Variants in BRINP3 observed in about 807,000 individuals in gnomAD.
BRINP3 encodes the protein BMP/retinoic acid inducible neural specific 3.
BRINP3 carries 19 observed loss-of-function variants against 71.0 expected under a neutral mutation model. The ratio of observed to expected loss-of-function variants is 0.27; its 90% confidence interval spans 0.19 to 0.39. The LOEUF is 0.39. BRINP3 is among the 10% of genes least tolerant of loss of function. BRINP3 has a pLI of 1.00. For synonymous variants in BRINP3, 380 were observed against 337.7 expected, an observed-to-expected ratio of 1.13 and a Z score of -1.37; for missense variants, 959 against 940.8, an observed-to-expected ratio of 1.02 and a Z score of -0.25.
chr1:190,227,374 T>A (rs1451769176), intron 5 of BRINP3, among the ~76,000 whole-genome samples: 1 of 151,788 alleles, frequency 6.6e-6, no homozygotes, highest in Admixed American at 6.6e-5. Flanking sequence ...GAAAAAGTAC[T>A]CTTAGAACTT....
chr1:190,374,572 A>G (rs1196226479), intron 2 of BRINP3, among the ~76,000 whole-genome samples: 1 of 152,128 alleles, frequency 6.6e-6, no homozygotes, highest in Non-Finnish European at 1.5e-5. Context: ...AAAAACTTAT[A>G]CAAACAATCA....
intron 3 of BRINP3, among the ~76,000 whole-genome samples, chr1:190,279,881 A>C (rs575781149): frequency 6.6e-6 from 1 of 152,000 alleles, no homozygotes; most frequent in Non-Finnish European, 1.5e-5. Context: ...GTTTACATAT[A>C]TCTAGTTATT....
chr1:190,176,323 T>A (rs1652505393), intron 6 of BRINP3, among the ~76,000 whole-genome samples: 1 of 152,128 alleles, frequency 6.6e-6, no homozygotes, highest in African/African-American at 2.4e-5. Flanking sequence ...ATGGCTCCCA[T>A]TGGTCTGCAA....
At chr1:190,161,446 T>A (rs1244459366) in intron 6 of BRINP3, among the ~76,000 whole-genome samples, 1 of 151,788 alleles carries the variant, frequency 6.6e-6, no homozygotes, top group Non-Finnish European at 1.5e-5. Flanking sequence ...ACCCTAATTA[T>A]AACCGATCTT....
At chr1:190,155,528 C>T (rs1022653953) in intron 7 of BRINP3, among the ~76,000 whole-genome samples, 1 of 152,068 alleles carries the variant, frequency 6.6e-6, no homozygotes, top group South Asian at 2.1e-4. Context: ...ATCCTTGCTG[C>T]TCTGTGAATG....
intron 2 of BRINP3, among the ~76,000 whole-genome samples, chr1:190,317,280 T>G (rs1463478536): frequency 6.6e-6 from 1 of 151,788 alleles, no homozygotes; most frequent in Non-Finnish European, 1.5e-5. Context: ...ATGGGGCACG[T>G]AATTGCTGCT....
chr1:190,150,261 T>C (rs1656269191), intron 7 of BRINP3, among the ~76,000 whole-genome samples: 1 of 115,294 alleles, frequency 8.7e-6, no homozygotes, highest in Non-Finnish European at 1.7e-5. Flanking sequence ...TATATGTGCA[T>C]ATCTATGTGT....
intron 6 of BRINP3, among the ~76,000 whole-genome samples, chr1:190,167,152 C>T (rs538880537): frequency 6.6e-6 from 1 of 151,840 alleles, no homozygotes; most frequent in Non-Finnish European, 1.5e-5. Flanking sequence ...ATCCAAAATC[C>T]CTGAATTTAT....
chr1:190,222,209 C>T (rs1425954532), intron 6 of BRINP3, among the ~76,000 whole-genome samples: 1 of 151,836 alleles, frequency 6.6e-6, no homozygotes, highest in African/African-American at 2.4e-5. Context: ...AAAATCTTAT[C>T]AAGTAACTTT....
At chr1:190,425,034 T>A (rs538010435) in intron 2 of BRINP3, among the ~76,000 whole-genome samples, 1 of 151,528 alleles carries the variant, frequency 6.6e-6, no homozygotes, top group African/African-American at 2.4e-5. Flanking sequence ...AAAAATCAGA[T>A]TGAATGCAAA....
chr1:190,415,707 A>T (rs1281262470), intron 2 of BRINP3, among the ~76,000 whole-genome samples: 3 of 152,068 alleles, frequency 2.0e-5, no homozygotes, highest in East Asian at 1.9e-4. Context: ...TTGAGACCAG[A>T]CTGAGCAATA....
At chr1:190,359,480 G>GC (rs967957586) in intron 2 of BRINP3, among the ~76,000 whole-genome samples, 1 of 151,992 alleles carries the variant, frequency 6.6e-6, no homozygotes, top group African/African-American at 2.4e-5. Context: ...TTTGAGCCTC[G>GC]CAGGGTACGA....
intron 2 of BRINP3, among the ~76,000 whole-genome samples, chr1:190,378,977 T>C (rs1299912439): frequency 6.6e-6 from 1 of 152,206 alleles, no homozygotes; most frequent in Admixed American, 6.6e-5. Context: ...ATTTTATACC[T>C]GACCCAGAAA....
intron 2 of BRINP3, among the ~76,000 whole-genome samples, chr1:190,393,174 A>T (rs1231693905): frequency 6.6e-6 from 1 of 151,726 alleles, no homozygotes; most frequent in East Asian, 1.9e-4. Flanking sequence ...CATAACATAT[A>T]TTAAGCACAC....
At chr1:190,209,835 C>A (rs1264362461) in intron 6 of BRINP3, among the ~76,000 whole-genome samples, 2 of 152,016 alleles carry the variant, frequency 1.3e-5, no homozygotes, top group African/African-American at 4.8e-5. Context: ...ATTGGCAAAG[C>A]AGTTTATATA....
At chr1:190,105,297 A>G (rs931131331) in intron 7 of BRINP3, among the ~76,000 whole-genome samples, 2 of 152,084 alleles carry the variant, frequency 1.3e-5, no homozygotes, top group Admixed American at 6.6e-5. Flanking sequence ...ACACACACAC[A>G]CATACACACA....
At position 190,277,113 on chromosome 1, in the gene BRINP3, A is replaced by ATATATATATATATATATATATTTATT. The variant is rs746851050; in HGVS notation, c.427+4446_427+4447insAATAAATATATATATATATATATATA. Among the ~76,000 whole-genome samples, 8 of 107,482 alleles carry ATATATATATATATATATATATTTATT rather than the reference A, an allele frequency of 7.4e-5. 1 individual carries two copies. In the Admixed American group the frequency reaches 9.2e-4, roughly 12 times the overall value. The allele number at this position is 107,482 out of a possible 152,430, so 70.5% of individuals were successfully genotyped here. A position where few individuals can be genotyped will look rare whatever the true frequency, so the allele number is the denominator to read the frequency against. On this transcript the variant is annotated intron_variant, in intron 3 of 7. Coordinates refer to ENST00000367462, the MANE Select transcript of BRINP3 (RefSeq NM_199051.3). ...TATATATATATATATATATATATAT[A>ATATATATATATATATATATATTTATT]TATATTTATATTCAGAAAAGAAAAC...
At chr1:190,163,133 A>G (rs983347258) in intron 6 of BRINP3, among the ~76,000 whole-genome samples, 1 of 152,068 alleles carries the variant, frequency 6.6e-6, no homozygotes, top group African/African-American at 2.4e-5. Context: ...ATATTTATAG[A>G]ATACAGAAAT....
Position 190,166,025 on chromosome 1 carries a change from G to T in BRINP3, c.962-5135C>A, listed in dbSNP as rs780099013. On this transcript the variant is annotated intron_variant, in intron 6 of 7. Coordinates refer to ENST00000367462, the MANE Select transcript of BRINP3 (RefSeq NM_199051.3). ...AACGGTTCTAAGGGACTATTTCAAT[G>T]ATTTGTATTGGTTTTGAAATTTCCC... Among the ~76,000 whole-genome samples the T allele has an allele frequency of 2.0e-5, 3 of 152,098 alleles. No homozygotes were observed. The East Asian group carries it at 5.8e-4, about 29-fold the overall frequency.
Sources: allele counts gnomAD v4.1 joint callset (sites outside exome capture counted in the v4.1 genomes callset), GRCh38; gene constraint gnomAD v4.1.1; transcripts MANE v1.5; gene names NCBI Gene and HGNC (gene_info 2026-07-23, HGNC 2026-07-21).